The following PLPP4 variants were observed in gnomAD, a reference collection of about 807,000 sequenced individuals.
PLPP4 encodes diacylglycerol pyrophosphate like 2.
Under a neutral mutation model 32.2 loss-of-function variants are expected in PLPP4, and 20 were observed. The ratio of observed to expected loss-of-function variants is 0.62; its 90% CI spans 0.44 to 0.90. The LOEUF is 0.90. Ranked by LOEUF, PLPP4 falls within the 40% of genes least tolerant of loss-of-function variation. The pLI, the probability that PLPP4 is intolerant of heterozygous loss-of-function variation, is 0.00. For missense variants in PLPP4, 257 were observed against 353.1 expected (o/e 0.73, Z 2.18); for synonymous variants, 127 against 133.0 (o/e 0.95, Z 0.31).
At chr10:120,501,863 A>G (rs1018552619) in intron 1 of PLPP4, among the ~76,000 whole-genome samples, 3 of 152,164 alleles carry the variant, frequency 2.0e-5, no homozygotes, top group East Asian at 3.8e-4. Context: ...GAAGTCTCTG[A>G]TTTAGTTCAG....
At chr10:120,547,108 T>C (rs1045654594) in intron 5 of PLPP4, among the ~76,000 whole-genome samples, 6 of 152,160 alleles carry the variant, frequency 3.9e-5, no homozygotes, top group Non-Finnish European at 5.9e-5. Flanking sequence ...TTTTTAATCT[T>C]TAAGAATGAT....
At position 120,542,531 on chromosome 10, in the gene PLPP4, G is replaced by A. The variant is rs547550839; in HGVS notation, c.445+21436G>A. ...CTCCTCCAAAATGTTTATGAAAGAT[G>A]GGATTTGGAATTGCACAGGCTTGGC... On this transcript the variant is annotated intron_variant, in intron 5 of 6. Coordinates refer to ENST00000398250, the MANE Select transcript of PLPP4 (RefSeq NM_001030059.3). 9.2e-5 allele frequency among the ~76,000 whole-genome samples: 14 copies of A among 152,296 alleles called. No individual in the cohort carries two copies. The East Asian group carries it at 2.5e-3, about 27-fold the overall frequency.
Position 120,457,469 on chromosome 10 carries a change from G to A in PLPP4, c.56+108G>A, listed in dbSNP as rs1847840468. ...CGCAGCCGCTTCCCACTGGGGCCTG[G>A]GTTCGAGGTCCCTTCCCCGCCAAGT... On this transcript the variant is annotated intron_variant, in intron 1 of 6. Coordinates refer to ENST00000398250, the MANE Select transcript of PLPP4 (RefSeq NM_001030059.3). 5 of 977,988 alleles carry A rather than the reference G, an allele frequency of 5.1e-6. No homozygotes were observed. In the East Asian group the frequency reaches 1.3e-4, roughly 26 times the overall value. 60.6% of individuals were successfully genotyped at this position (977,988 alleles called of 1,614,324 possible).
At chr10:120,523,183 T>A (rs1846235264) in intron 5 of PLPP4, among the ~76,000 whole-genome samples, 1 of 151,998 alleles carries the variant, frequency 6.6e-6, no homozygotes, top group African/African-American at 2.4e-5. Context: ...ATGCCTGTAA[T>A]CCCAGCTACT....
chr10:120,537,992 TTC>T (rs1158226991), intron 5 of PLPP4, among the ~76,000 whole-genome samples: 224 of 18,948 alleles, frequency 0.012, 8 homozygotes, highest in East Asian at 0.032. Context: ...ACCAGGCCCT[TTC>T]TCTCTCTCTC....
chr10:120,504,984 C>A (rs991766706), intron 2 of PLPP4, among the ~76,000 whole-genome samples: 2 of 152,234 alleles, frequency 1.3e-5, no homozygotes, highest in Non-Finnish European at 2.9e-5. Flanking sequence ...CCTCTCCCAC[C>A]CTCAATGCCA....
intron 1 of PLPP4, among the ~76,000 whole-genome samples, chr10:120,483,563 C>T (rs560217575): frequency 6.6e-6 from 1 of 152,272 alleles, no homozygotes; most frequent in South Asian, 2.1e-4. Context: ...TGATGGGGCC[C>T]TGGAATAGAA....
Position 120,537,477 on chromosome 10 carries a change from G to T in PLPP4, c.445+16382G>T, listed in dbSNP as rs533379145. ...ACTGCATGATCTTACATACATAGAT[G>T]TGAAATCTAAAAAAGTTGAACTCAT... On this transcript the variant is annotated intron_variant, in intron 5 of 6. Coordinates refer to ENST00000398250, the MANE Select transcript of PLPP4 (RefSeq NM_001030059.3). 5.4e-4 allele frequency among the ~76,000 whole-genome samples: 82 copies of T among 152,308 alleles called. 2 individuals carry two copies. In the South Asian group the frequency reaches 0.016, roughly 30 times the overall value.
intron 5 of PLPP4, among the ~76,000 whole-genome samples, chr10:120,536,709 CA>C (rs1402080218): frequency 7.4e-6 from 1 of 135,094 alleles, no homozygotes; most frequent in Non-Finnish European, 1.6e-5. Context: ...AGTAGGATTA[CA>C]AAAAAACTGA....
intron 6 of PLPP4, among the ~76,000 whole-genome samples, chr10:120,588,444 G>A (rs1849863856): frequency 6.6e-6 from 1 of 152,184 alleles, no homozygotes; most frequent in African/African-American, 2.4e-5. Context: ...GAGGTCTGCT[G>A]AGTTTGCCAA....
At chr10:120,457,702 G>T (rs1309388762) in intron 1 of PLPP4, among the ~76,000 whole-genome samples, 2 of 152,178 alleles carry the variant, frequency 1.3e-5, no homozygotes, top group Non-Finnish European at 2.9e-5. Flanking sequence ...GTGCCCTCGG[G>T]AAGTTTCTCC....
chr10:120,530,573 G>A (rs1846658546), intron 5 of PLPP4, among the ~76,000 whole-genome samples: 1 of 152,090 alleles, frequency 6.6e-6, no homozygotes, highest in Non-Finnish European at 1.5e-5. Flanking sequence ...AAACATTTAG[G>A]TTGTTCTAGT....
chr10:120,536,725 T>TA (rs1434345954), intron 5 of PLPP4, among the ~76,000 whole-genome samples: 4 of 148,566 alleles, frequency 2.7e-5, no homozygotes, highest in African/African-American at 9.8e-5. Flanking sequence ...AACTGATGTT[T>TA]TTGCACAGTA....
intron 5 of PLPP4, among the ~76,000 whole-genome samples, chr10:120,523,431 G>A (rs574222072): frequency 1.3e-5 from 2 of 152,194 alleles, no homozygotes; most frequent in South Asian, 4.1e-4. Flanking sequence ...CCCATTTTAA[G>A]TGAGCACCTG....
chr10:120,530,455 CT>C (rs1386859880), intron 5 of PLPP4, among the ~76,000 whole-genome samples: 1 of 152,092 alleles, frequency 6.6e-6, no homozygotes, highest in Non-Finnish European at 1.5e-5. Context: ...CTCAGTATGT[CT>C]TGAAATCCAT....
chr10:120,586,689 C>T (rs1051197509), intron 6 of PLPP4, among the ~76,000 whole-genome samples: 3 of 152,174 alleles, frequency 2.0e-5, no homozygotes, highest in Non-Finnish European at 4.4e-5. Context: ...CATAATTATG[C>T]TGTGAGCAAG....
At chr10:120,573,453 A>G (rs1367080841) in intron 5 of PLPP4, among the ~76,000 whole-genome samples, 2 of 152,158 alleles carry the variant, frequency 1.3e-5, no homozygotes, top group Non-Finnish European at 2.9e-5. Context: ...GTTTGGTACT[A>G]TAGTAATGAT....
chr10:120,461,479 T>C (rs1848044154), intron 1 of PLPP4, among the ~76,000 whole-genome samples: 2 of 152,140 alleles, frequency 1.3e-5, no homozygotes, highest in African/African-American at 4.8e-5. Flanking sequence ...CATCTGCCCT[T>C]CTCCCTATCC....
At chr10:120,504,057 A>C in intron 2 of PLPP4, 131 bp downstream of exon 2, 2 of 648,444 alleles carry the variant, frequency 3.1e-6, no homozygotes, top group Non-Finnish European at 5.4e-6. Flanking sequence ...CAGCCCATCA[A>C]ATTAAAATCC....
Sources: gnomAD v4.1 joint callset for allele counts (sites outside exome capture counted in the v4.1 genomes callset) on GRCh38, gnomAD v4.1.1 for gene constraint, MANE v1.5 for transcripts, NCBI Gene and HGNC (gene_info 2026-07-23, HGNC 2026-07-21) for gene names.